Variants in CEP57 observed in about 807,000 individuals in gnomAD.
The protein encoded by CEP57 is centrosomal protein 57, also known as centrosomal protein of 57 kDa.
Under a neutral mutation model 68.0 loss-of-function variants are expected in CEP57, and 40 were observed. The ratio of observed to expected loss-of-function variants is 0.59; its 90% CI spans 0.46 to 0.77. The LOEUF is 0.77. Ranked by LOEUF, CEP57 falls within the 30% of genes least tolerant of loss-of-function variation. The pLI is 0.00. For missense variants in CEP57, 606 were observed against 580.7 expected (o/e 1.04, Z -0.45); for synonymous variants, 219 against 198.7 (o/e 1.10, Z -0.86).
At chr11:95,801,316 G>A (rs574170181) in intron 2 of CEP57, among the ~76,000 whole-genome samples, 7 of 152,124 alleles carry the variant, frequency 4.6e-5, no homozygotes, top group African/African-American at 1.4e-4. Context: ...ATAAGATACT[G>A]TGTCTCGATG....
chr11:95,804,453 A>T, intron 2 of CEP57, among the ~76,000 whole-genome samples: 1 of 152,198 alleles, frequency 6.6e-6, no homozygotes, highest in East Asian at 1.9e-4. Flanking sequence ...AGCAGAGATG[A>T]TGGAATTTTA....
intron 1 of CEP57, chr11:95,794,259 T>A (rs1367851631): frequency 2.2e-6 from 1 of 455,704 alleles, no homozygotes; most frequent in African/African-American, 2.0e-5. Context: ...CAGTAGTGGG[T>A]CATGGAATAT....
At chr11:95,822,443 C>A in intron 7 of CEP57, 56 bp from the exon 8 acceptor site, 2 of 1,339,670 alleles carry the variant, frequency 1.5e-6, no homozygotes, top group South Asian at 1.2e-5. Context: ...CATGTATAGT[C>A]AGTTTTTATT....
At position 95,821,948 on chromosome 11, in the gene CEP57, T is replaced by TA. The variant is rs762013265; in HGVS notation, c.785dup (p.Lys263GlufsTer11). ...CGTGTGTTCCCAATGCAAGAAGAAT[T>TA]AAAAAAAAGAAGTCAAAACCACCAG... On this transcript the variant is annotated frameshift_variant, in exon 7 of 11. Transcript: ENST00000325542. LOFTEE classifies it high-confidence loss of function. The TA allele has an allele frequency of 4.3e-6, 7 of 1,610,438 alleles. No individual in the cohort carries two copies. The highest frequency in any genetic ancestry group is 5.1e-6 in the Non-Finnish European group (6 of 1,177,718).
At chr11:95,821,820 G>T (rs1038714604) in intron 6 of CEP57, 51 bp from the exon 7 acceptor site, 2 of 1,284,496 alleles carry the variant, frequency 1.6e-6, no homozygotes, top group African/African-American at 2.9e-5. Context: ...TGAAATCTGA[G>T]TCATAGCTTT....
intron 8 of CEP57, among the ~76,000 whole-genome samples, chr11:95,824,483 A>T (rs1358237693): frequency 1.3e-5 from 2 of 152,210 alleles, no homozygotes; most frequent in Non-Finnish European, 2.9e-5. Flanking sequence ...AAGCTGGAGA[A>T]TTTAATTCCA....
chr11:95,828,715 C>G (rs1457975054), intron 9 of CEP57, among the ~76,000 whole-genome samples: 1 of 152,146 alleles, frequency 6.6e-6, no homozygotes, highest in African/African-American at 2.4e-5. Context: ...AGAACTCTTG[C>G]ATTTCCCTCT....
intron 2 of CEP57, among the ~76,000 whole-genome samples, chr11:95,806,830 CA>C (rs1223934571): frequency 6.6e-6 from 1 of 152,226 alleles, no homozygotes; most frequent in African/African-American, 2.4e-5. Flanking sequence ...GAAACTTCTG[CA>C]GACTTAAACA....
chr11:95,830,953 A>G (rs762806886), intron 10 of CEP57, 73 bp from the exon 11 acceptor site: 3 of 1,149,694 alleles, frequency 2.6e-6, no homozygotes, highest in Non-Finnish European at 3.9e-6. Flanking sequence ...GTACTCTTGT[A>G]CTTTTTGTTG....
chr11:95,809,210 G>C (rs1281190572), intron 2 of CEP57, among the ~76,000 whole-genome samples: 1 of 152,060 alleles, frequency 6.6e-6, no homozygotes, highest in East Asian at 1.9e-4. Flanking sequence ...GCAGTGTGTA[G>C]AGGGAAATTT....
At chr11:95,790,298 C>CG, upstream of CEP57, 3 of 299,458 alleles carry the variant, frequency 1.0e-5, no homozygotes, top group Non-Finnish European at 1.9e-5. Context: ...ACTACTCGCC[C>CG]ACGCTTCTTA....
At chr11:95,805,984 G>A (rs1401604117) in intron 2 of CEP57, among the ~76,000 whole-genome samples, 2 of 152,040 alleles carry the variant, frequency 1.3e-5, no homozygotes, top group Admixed American at 6.6e-5. Context: ...ATCTGATCTC[G>A]AGGTTGGGAA....
intron 2 of CEP57, among the ~76,000 whole-genome samples, chr11:95,809,631 C>T (rs1335448795): frequency 1.3e-5 from 2 of 151,944 alleles, no homozygotes; most frequent in Admixed American, 6.6e-5. Flanking sequence ...ACACATACAC[C>T]CTCCCAAGAC....
rs577320723 is a variant in CEP57 at position 95,807,777 on chromosome 11, C to A, written c.203-5155C>A. 2.0e-5 allele frequency among the ~76,000 whole-genome samples: 3 copies of A among 152,284 alleles called. 1 individual carries two copies. Among genetic ancestry groups the A allele is most frequent in the African/African-American group, 7.2e-5 (3 of 41,554 alleles). ...CTGAAAGTGACGGGGAGAATGGAACCAAGTTGGAAAACACTCTTCAGGATA... is the reference window on the plus strand; with the variant it reads ...CTGAAAGTGACGGGGAGAATGGAACAAAGTTGGAAAACACTCTTCAGGATA... On this transcript the variant is annotated intron_variant, in intron 2 of 10. Transcript: ENST00000325542.
chr11:95,806,643 T>A (rs1861814556), intron 2 of CEP57, among the ~76,000 whole-genome samples: 1 of 152,140 alleles, frequency 6.6e-6, no homozygotes, highest in South Asian at 2.1e-4. Flanking sequence ...CAGTCTGAGA[T>A]CCAACTGCAA....
intron 1 of CEP57, among the ~76,000 whole-genome samples, chr11:95,797,270 G>T (rs531007120): frequency 4.0e-5 from 6 of 151,270 alleles, no homozygotes; most frequent in African/African-American, 1.5e-4. Context: ...GGGTTCAAGT[G>T]ATTCTCCTGC....
At position 95,799,223 on chromosome 11, in the gene CEP57, A is replaced by AT. The variant is rs764031925; in HGVS notation, c.46-3dup. On this transcript the variant is annotated splice_polypyrimidine_tract_variant and intron_variant, in intron 1 of 10. Transcript: ENST00000325542. ...CTTTTGAAAGGTAATTTGTGTCTTT[A>AT]TTTTTTAGAACAGCTTTGCTGAGCC... 6.2e-7 allele frequency: 1 copy of AT among 1,613,846 alleles called. No homozygotes were observed. The highest frequency in any genetic ancestry group is 8.5e-7 in the Non-Finnish European group (1 of 1,179,924).
intron 1 of CEP57, among the ~76,000 whole-genome samples, chr11:95,797,742 C>T (rs1861410803): frequency 6.6e-6 from 1 of 152,134 alleles, no homozygotes; most frequent in South Asian, 2.1e-4. Context: ...AAAGGGCAAG[C>T]CCACTAACAT....
At chr11:95,795,276 T>C (rs1861292551) in intron 1 of CEP57, among the ~76,000 whole-genome samples, 1 of 152,188 alleles carries the variant, frequency 6.6e-6, no homozygotes, top group African/African-American at 2.4e-5. Context: ...CTTGTATAAT[T>C]TCATGTCTTG....
Sources: allele counts gnomAD v4.1 joint callset (sites outside exome capture counted in the v4.1 genomes callset), GRCh38; gene constraint gnomAD v4.1.1; transcripts MANE v1.5; gene names NCBI Gene and HGNC (gene_info 2026-07-23, HGNC 2026-07-21).